The following KIFC3 variants were observed in gnomAD, a reference collection of about 807,000 sequenced individuals.
The protein encoded by KIFC3 is kinesin-like protein KIFC3.
KIFC3 carries 60 observed loss-of-function variants against 101.8 expected under a neutral mutation model. The observed-to-expected ratio is 0.59, with a 90% CI of 0.48 to 0.73. KIFC3 has a LOEUF of 0.73. Ranked by LOEUF, KIFC3 falls within the 30% of genes least tolerant of loss-of-function variation. The probability of loss-of-function intolerance (pLI) is 0.00; values close to 1 mark genes in which losing one functional copy is unlikely to be tolerated. For synonymous variants in KIFC3, 476 were observed against 482.7 expected (o/e 0.99, Z 0.18); for missense variants, 966 against 1,137.1 (o/e 0.85, Z 2.16).
intron 1 of KIFC3, among the ~76,000 whole-genome samples, chr16:57,848,191 T>G (rs187483416): frequency 6.6e-6 from 1 of 152,356 alleles, no homozygotes; most frequent in African/African-American, 2.4e-5. Flanking sequence ...TGCCTTGAAG[T>G]TGCCATACAT....
Position 57,770,684 on chromosome 16 carries a change from A to T in KIFC3, c.782T>A (p.Val261Glu). 1 of 1,526,736 alleles carries T rather than the reference A, an allele frequency of 6.5e-7. No homozygotes were observed. Among genetic ancestry groups the T allele is most frequent in the Non-Finnish European group, 8.8e-7 (1 of 1,134,958 alleles). 94.6% of individuals were successfully genotyped at this position (1,526,736 alleles called of 1,614,324 possible). A position where few individuals can be genotyped will look rare whatever the true frequency, so the allele number is the denominator to read the frequency against. ...SPPVKYVIKT[V>E]EVESSKTKQA... is the part of the protein sequence containing the mutation. ...CTTGGTCTTGGACGACTCCACCTCC[A>T]CTGTCTTGATGACATACTGCAGGGT... The change falls in exon 7 of 20, where the codon GTG (valine) becomes GAG (glutamate). Residue 261 changes from valine (V) to glutamate (E), a missense_variant. This residue lies in a region of KIFC3 where 689 missense variants were observed against 884.6 expected (regional missense o/e 0.78). Transcript: ENST00000445690.
At chr16:57,846,927 G>A (rs2149321020) in intron 1 of KIFC3, among the ~76,000 whole-genome samples, 1 of 152,234 alleles carries the variant, frequency 6.6e-6, no homozygotes, top group Non-Finnish European at 1.5e-5. Flanking sequence ...GCCCAAGCCT[G>A]TAATCCCAAC....
intron 1 of KIFC3, chr16:57,813,990 T>TG (rs1555628288): frequency 2.2e-6 from 1 of 457,162 alleles, no homozygotes; most frequent in Non-Finnish European, 2.9e-6. Context: ...TAGATTTGAC[T>TG]GGGGCAGGCT....
intron 10 of KIFC3, among the ~76,000 whole-genome samples, chr16:57,766,649 G>A (rs541110603): frequency 6.6e-6 from 1 of 152,322 alleles, no homozygotes; most frequent in East Asian, 1.9e-4. Flanking sequence ...AGGCACTGGG[G>A]CCAGGGCTTC....
chr16:57,798,173 C>G lies in KIFC3; in HGVS notation c.71G>C (p.Arg24Pro). The change falls in exon 2 of 20, where the codon CGG becomes CCG. Residue 24 changes from arginine (R) to proline (P), a missense_variant. Physicochemically the swap from Arg to Pro is moderately radical, Grantham distance 103. Coordinates refer to ENST00000445690, the MANE Select transcript of KIFC3 (RefSeq NM_001130100.2). The part of the protein sequence containing the change: ...PSLRGLWRVG[R>P]APEPEPGMAR... ...CATCCCCGGCTCGGGCTCCGGGGCC[C>G]GGCCCACTCTCCACAGGCCCCGCAG... 1 of 1,539,878 alleles carries G rather than the reference C, an allele frequency of 6.5e-7. No individual in the cohort carries two copies. Among genetic ancestry groups the G allele is most frequent in the Non-Finnish European group, 8.7e-7 (1 of 1,142,998 alleles).
At chr16:57,768,649 T>C (rs1318697297) in intron 9 of KIFC3, among the ~76,000 whole-genome samples, 1 of 152,208 alleles carries the variant, frequency 6.6e-6, no homozygotes, top group East Asian at 1.9e-4. Flanking sequence ...TGCCCTGCTA[T>C]GGAGTTTGAC....
chr16:57,760,469 G>A, intron 16 of KIFC3, 53 bp from the exon 17 acceptor site: 2 of 1,587,982 alleles, frequency 1.3e-6, no homozygotes, highest in South Asian at 1.1e-5. Context: ...GGGGCAACAG[G>A]GTCACGAGAG....
At chr16:57,807,582 C>T (rs2054965352), upstream of KIFC3, 1 of 152,278 alleles carries the variant, frequency 6.6e-6, no homozygotes, top group Non-Finnish European at 1.5e-5. Context: ...CTTCCTGCTC[C>T]CTGTGTCCCT....
rs540606644 is a variant in KIFC3 at position 57,758,883 on chromosome 16, G to A, written c.*51C>T. 5.3e-5 allele frequency: 84 copies of A among 1,597,602 alleles called. No homozygotes were observed. The highest frequency in any genetic ancestry group is 2.7e-4 in the East Asian group (12 of 44,702). ...CTTCAGGCCCAGCGGGGTCACATCCGTCACACAGGCAGTGGCCGCGACTTC... is the reference window on the plus strand; with the variant it reads ...CTTCAGGCCCAGCGGGGTCACATCCATCACACAGGCAGTGGCCGCGACTTC... On this transcript the variant is annotated 3_prime_UTR_variant, in exon 20 of 20. Transcript: ENST00000445690.
At position 57,761,093 on chromosome 16, in the gene KIFC3, G is replaced by T. The variant is rs782065144; in HGVS notation, c.1951C>A (p.Leu651Ile). 1 of 1,613,800 alleles carries T rather than the reference G, an allele frequency of 6.2e-7. No homozygotes were observed. ...NEHSSRSHAL[L>I]IVTVRGVDCS... Reference sequence around the variant, plus strand: ...TCCACGCCTCGCACCGTCACGATGAGCAGCGCGTGCGAGCGGGAGCTGTGC... The same window carrying T: ...TCCACGCCTCGCACCGTCACGATGATCAGCGCGTGCGAGCGGGAGCTGTGC... The change falls in exon 15 of 20, where the codon CTC becomes ATC. Residue 651 changes from leucine to isoleucine, a missense_variant. Leu to Ile is a conservative substitution (Grantham distance 5, BLOSUM62 2). Transcript: ENST00000445690.
intron 1 of KIFC3, among the ~76,000 whole-genome samples, chr16:57,840,760 CAA>C (rs11447265): frequency 3.3e-4 from 33 of 100,034 alleles, no homozygotes; most frequent in Non-Finnish European, 2.3e-4. Flanking sequence ...AACTCTGTCT[CAA>C]AAAAAAAAAA....
intron 1 of KIFC3, among the ~76,000 whole-genome samples, chr16:57,817,530 T>A (rs1272031832): frequency 6.6e-6 from 1 of 152,136 alleles, no homozygotes; most frequent in Non-Finnish European, 1.5e-5. Flanking sequence ...AGGCGGGCGA[T>A]CTTCAGTGCA....
At chr16:57,862,088 G>T (rs1300024324) in intron 1 of KIFC3, among the ~76,000 whole-genome samples, 1 of 151,990 alleles carries the variant, frequency 6.6e-6, no homozygotes, top group Non-Finnish European at 1.5e-5. Context: ...TGGCAGCTGG[G>T]CTTACCTGCT....
chr16:57,782,907 T>C (rs1568011314), intron 3 of KIFC3, among the ~76,000 whole-genome samples: 4 of 152,128 alleles, frequency 2.6e-5, no homozygotes, highest in Admixed American at 1.3e-4. Context: ...GATTGCGCCA[T>C]TGCATTCCAG....
chr16:57,804,239 G>A (rs1469388693), upstream of KIFC3, among the ~76,000 whole-genome samples: 1 of 151,652 alleles, frequency 6.6e-6, no homozygotes, highest in Non-Finnish European at 1.5e-5. Flanking sequence ...TTTTTTTCCT[G>A]TGTACATAAT....
At chr16:57,852,663 G>A (rs62039948) in intron 1 of KIFC3, among the ~76,000 whole-genome samples, 12,670 of 152,096 alleles carry the variant, frequency 0.083, 521 homozygotes, top group South Asian at 0.13. Flanking sequence ...CAAATATTCC[G>A]TCTTCAACTA....
At chr16:57,822,067 C>G (rs1212457831) in intron 1 of KIFC3, among the ~76,000 whole-genome samples, 1 of 151,792 alleles carries the variant, frequency 6.6e-6, no homozygotes, top group African/African-American at 2.4e-5. Flanking sequence ...AGAGTGAGAC[C>G]CTGTCTCAAA....
Position 57,798,137 on chromosome 16 carries a change from G to T in KIFC3, c.107C>A (p.Ala36Asp). 6.4e-7 allele frequency: 1 copy of T among 1,556,614 alleles called. No individual in the cohort carries two copies. ...PEPEPGMARP[A>D]PAPASPAARP... Reference sequence around the variant, plus strand: ...GGCGGCCGGGCTGGCTGGGGCTGGGGCGGGGCGAGCCATCCCCGGCTCGGG... The same window carrying T: ...GGCGGCCGGGCTGGCTGGGGCTGGGTCGGGGCGAGCCATCCCCGGCTCGGG... The change falls in exon 2 of 20, where the codon GCC (alanine) becomes GAC (aspartate). Residue 36 changes from alanine to aspartate, a missense_variant. Coordinates refer to ENST00000445690, the MANE Select transcript of KIFC3 (RefSeq NM_001130100.2).
upstream of KIFC3, chr16:57,802,507 C>G: frequency 1.0e-6 from 1 of 984,126 alleles, no homozygotes; most frequent in Non-Finnish European, 1.2e-6. The surrounding 1 kb of genome is among the most constrained non-coding windows in gnomAD (Gnocchi z 5.0). Flanking sequence ...ACACTTTCCA[C>G]AGGAAATGAT....
Sources: gnomAD v4.1 joint callset for allele counts (sites outside exome capture counted in the v4.1 genomes callset) on GRCh38, gnomAD v4.1.1 for gene constraint, gnomAD v4.1.1 regional missense constraint, Gnocchi (gnomAD v3.1) non-coding constraint, MANE v1.5 for transcripts, NCBI Gene and HGNC (gene_info 2026-07-23, HGNC 2026-07-21) for gene names.